Variants in STK32C observed in about 807,000 individuals in gnomAD.
STK32C encodes serine/threonine-protein kinase 32C.
In STK32C, 31 loss-of-function variants were observed where a neutral mutation model predicts 56.5. The observed-to-expected ratio is 0.55, with a 90% CI of 0.41 to 0.74. STK32C has a LOEUF of 0.74. Among genes scored for constraint, STK32C ranks in the 30% least tolerant of loss-of-function variants. The pLI is 0.00. For missense variants in STK32C, 544 were observed against 676.9 expected, an observed-to-expected ratio of 0.80 and a Z score of 2.18; for synonymous variants, 309 against 289.4, an observed-to-expected ratio of 1.07 and a Z score of -0.69.
At chr10:132,326,449 A>T (rs1021522367) in intron 1 of STK32C, among the ~76,000 whole-genome samples, 2 of 152,198 alleles carry the variant, frequency 1.3e-5, no homozygotes, top group Non-Finnish European at 2.9e-5. Flanking sequence ...CTTGTGCCTC[A>T]GACTCCCAGG....
chr10:132,220,078 T>A (rs897699872), intron 10 of STK32C, among the ~76,000 whole-genome samples: 12 of 152,154 alleles, frequency 7.9e-5, no homozygotes, highest in Non-Finnish European at 1.5e-4. Context: ...ACACTCAAAT[T>A]CTAATCCTGG....
intron 1 of STK32C, among the ~76,000 whole-genome samples, chr10:132,279,527 T>C (rs971239539): frequency 6.6e-6 from 1 of 151,974 alleles, no homozygotes; most frequent in Admixed American, 6.5e-5. Context: ...TGGGGGGCTG[T>C]GGCAGGGGGA....
At chr10:132,246,131 C>G (rs2063681214) in intron 1 of STK32C, among the ~76,000 whole-genome samples, 176 bp from the exon 2 acceptor site, 1 of 152,222 alleles carries the variant, frequency 6.6e-6, no homozygotes, top group African/African-American at 2.4e-5. Flanking sequence ...GGGGGCTGAG[C>G]CCCGGTCAGT....
intron 2 of STK32C, among the ~76,000 whole-genome samples, chr10:132,241,470 A>G (rs2063498007): frequency 6.6e-6 from 1 of 152,238 alleles, no homozygotes; most frequent in African/African-American, 2.4e-5. Flanking sequence ...GTGAAGAATC[A>G]AGATGAAAAA....
At chr10:132,308,162 G>T (rs1159690760), upstream of STK32C, among the ~76,000 whole-genome samples, 2 of 151,900 alleles carry the variant, frequency 1.3e-5, no homozygotes, top group Non-Finnish European at 2.9e-5. Flanking sequence ...GTGTCGCTAG[G>T]GAGTGGGTGG....
At chr10:132,307,991 C>CGGGGCA, upstream of STK32C, 1 of 189,910 alleles carries the variant, frequency 5.3e-6, no homozygotes, top group Non-Finnish European at 6.1e-6. This position sits in a 1 kb window ranked among gnomAD's most constrained non-coding sequence, Gnocchi z 4.4. Context: ...GCGCTGGGGG[C>CGGGGCA]GGGGCAGGGG....
intron 1 of STK32C, among the ~76,000 whole-genome samples, chr10:132,283,130 A>G (rs2065267247): frequency 6.6e-6 from 1 of 152,368 alleles, no homozygotes; most frequent in East Asian, 1.9e-4. Flanking sequence ...CAGGGCCACG[A>G]TGGCCAAGAC....
chr10:132,232,117 G>A (rs1031735958), intron 2 of STK32C, among the ~76,000 whole-genome samples: 3 of 152,188 alleles, frequency 2.0e-5, no homozygotes, highest in Admixed American at 6.5e-5. Flanking sequence ...CTCACGCTGC[G>A]CCCTCACCGG....
chr10:132,291,374 T>A (rs1472505249), intron 1 of STK32C, among the ~76,000 whole-genome samples: 1 of 152,192 alleles, frequency 6.6e-6, no homozygotes, highest in Non-Finnish European at 1.5e-5. Flanking sequence ...ATGTATGTCA[T>A]CCTTGTGAGG....
chr10:132,318,151 C>T (rs772726456), intron 1 of STK32C, among the ~76,000 whole-genome samples: 11 of 151,722 alleles, frequency 7.3e-5, no homozygotes, highest in Non-Finnish European at 1.6e-4. Context: ...GCCTGTAGTC[C>T]CAGCTACTTG....
At chr10:132,272,823 TC>T (rs1387677119) in intron 1 of STK32C, among the ~76,000 whole-genome samples, 1 of 152,190 alleles carries the variant, frequency 6.6e-6, no homozygotes, top group Non-Finnish European at 1.5e-5. Flanking sequence ...CCCATGTCCT[TC>T]CGGCTGCCAG....
chr10:132,315,979 T>C (rs1181261689), intron 1 of STK32C, among the ~76,000 whole-genome samples: 1 of 152,200 alleles, frequency 6.6e-6, no homozygotes, highest in African/African-American at 2.4e-5. Context: ...TTTAAAAATA[T>C]TCAAATGGAA....
intron 1 of STK32C, among the ~76,000 whole-genome samples, chr10:132,299,343 C>G (rs1185903938): frequency 1.3e-5 from 2 of 151,488 alleles, no homozygotes; most frequent in Non-Finnish European, 2.9e-5. Flanking sequence ...GACCCCAAGA[C>G]AAGACCCAGC....
intron 1 of STK32C, among the ~76,000 whole-genome samples, chr10:132,298,291 C>T (rs1024646583): frequency 6.6e-6 from 1 of 152,240 alleles, no homozygotes; most frequent in African/African-American, 2.4e-5. Context: ...CGGTGCCAGC[C>T]CAGGCCTAAG....
At chr10:132,265,901 TA>T (rs2064505974) in intron 1 of STK32C, among the ~76,000 whole-genome samples, 1 of 152,124 alleles carries the variant, frequency 6.6e-6, no homozygotes, top group Non-Finnish European at 1.5e-5. Context: ...TGCTAGGGGT[TA>T]GGGGGTGCCG....
intron 2 of STK32C, among the ~76,000 whole-genome samples, chr10:132,244,589 G>T (rs1208129690): frequency 6.6e-6 from 1 of 152,232 alleles, no homozygotes; most frequent in Non-Finnish European, 1.5e-5. Flanking sequence ...GCCCTCTCCA[G>T]ACATGCTGGC....
At chr10:132,319,026 G>C (rs1225274959) in intron 1 of STK32C, among the ~76,000 whole-genome samples, 1 of 152,194 alleles carries the variant, frequency 6.6e-6, no homozygotes, top group Non-Finnish European at 1.5e-5. Context: ...TTGGCTCACT[G>C]CAACCTCCAC....
intron 1 of STK32C, among the ~76,000 whole-genome samples, chr10:132,331,187 C>G (rs951340578): frequency 1.0e-5 from 1 of 100,132 alleles, no homozygotes; most frequent in African/African-American, 4.3e-5. Context: ...GGAGACAAAG[C>G]AAGACTCCAC....
chr10:132,312,919 A>G (rs1223755020), upstream of STK32C, among the ~76,000 whole-genome samples: 1 of 152,200 alleles, frequency 6.6e-6, no homozygotes, highest in Non-Finnish European at 1.5e-5. Flanking sequence ...ACACGCCTGT[A>G]ATACCAGCTA....
Sources: allele counts gnomAD v4.1 joint callset (sites outside exome capture counted in the v4.1 genomes callset), GRCh38; gene constraint gnomAD v4.1.1; non-coding constraint Gnocchi (gnomAD v3.1); transcripts MANE v1.5; gene names NCBI Gene and HGNC (gene_info 2026-07-23, HGNC 2026-07-21).